KCNK2: variants seen among roughly 807,000 people sequenced by gnomAD.
KCNK2 encodes potassium two pore domain channel subfamily K member 2.
Under a neutral mutation model 40.5 loss-of-function variants are expected in KCNK2, and 21 were observed. That is an observed-to-expected ratio of 0.52 (90% CI 0.37 to 0.75). KCNK2 has a LOEUF of 0.75. Ranked by LOEUF, KCNK2 falls within the 30% of genes least tolerant of loss-of-function variation. The pLI is 0.00. For synonymous variants in KCNK2, 191 were observed against 202.2 expected (o/e 0.94, Z 0.47); for missense variants, 399 against 531.6 (o/e 0.75, Z 2.45).
At chr1:215,088,256 A>G (rs1165594840) in intron 2 of KCNK2, among the ~76,000 whole-genome samples, 1 of 152,196 alleles carries the variant, frequency 6.6e-6, no homozygotes, top group African/African-American at 2.4e-5. Context: ...GTGTAGCAGT[A>G]AAAGCTTCAA....
intron 2 of KCNK2, among the ~76,000 whole-genome samples, chr1:215,100,394 T>C (rs1660157520): frequency 6.6e-6 from 1 of 151,976 alleles, no homozygotes; most frequent in South Asian, 2.1e-4. Flanking sequence ...TTCCTCAGAA[T>C]AGCCATAGAG....
intron 3 of KCNK2, among the ~76,000 whole-genome samples, chr1:215,157,472 A>G (rs1662984113): frequency 2.0e-5 from 3 of 152,110 alleles, no homozygotes; most frequent in African/African-American, 7.2e-5. Flanking sequence ...AATCTTCTCT[A>G]TTCCTCAAGC....
chr1:215,085,259 G>T (rs10864151), intron 1 of KCNK2, among the ~76,000 whole-genome samples: 60,101 of 152,052 alleles, frequency 0.4, 14,881 homozygotes, highest in East Asian at 0.54. Flanking sequence ...ACTTTAAGCT[G>T]ATTATTCTGT....
chr1:215,129,929 G>A (rs892365191), intron 3 of KCNK2, among the ~76,000 whole-genome samples: 1 of 152,156 alleles, frequency 6.6e-6, no homozygotes, highest in Non-Finnish European at 1.5e-5. Flanking sequence ...TTTGACCCAG[G>A]TTCTTGGCCC....
chr1:215,209,476 T>TATATAATATATATTA (rs1553274203), intron 6 of KCNK2, among the ~76,000 whole-genome samples: 1 of 43,194 alleles, frequency 2.3e-5, no homozygotes, highest in Non-Finnish European at 4.2e-5. Flanking sequence ...ATAATATATA[T>TATATAATATATATTA]TATATATAAT....
intron 1 of KCNK2, among the ~76,000 whole-genome samples, chr1:215,061,274 T>C (rs185220873): frequency 6.6e-6 from 1 of 152,260 alleles, no homozygotes; most frequent in Admixed American, 6.5e-5. Flanking sequence ...CTTGGCTTAA[T>C]TGTCAAAATG....
chr1:215,145,985 T>C (rs1662396996), intron 3 of KCNK2, among the ~76,000 whole-genome samples: 1 of 152,178 alleles, frequency 6.6e-6, no homozygotes, highest in Admixed American at 6.5e-5. Context: ...TTATTACGCC[T>C]TGAACAGTTC....
At chr1:215,201,586 G>C (rs943351542) in intron 6 of KCNK2, among the ~76,000 whole-genome samples, 2 of 152,236 alleles carry the variant, frequency 1.3e-5, no homozygotes, top group Admixed American at 1.3e-4. Context: ...ATTTAATGTT[G>C]AGTTCCTAAA....
intron 3 of KCNK2, among the ~76,000 whole-genome samples, chr1:215,161,372 C>T (rs1663185706): frequency 6.6e-6 from 1 of 151,692 alleles, no homozygotes; most frequent in Non-Finnish European, 1.5e-5. Context: ...CTTATTTCTG[C>T]TACTTGGGAA....
At chr1:215,065,404 GA>G (rs5780813) in intron 1 of KCNK2, among the ~76,000 whole-genome samples, 75,925 of 149,538 alleles carry the variant, frequency 0.51, 19,696 homozygotes, top group Middle Eastern at 0.74. Context: ...CAAATATTCA[GA>G]AAAAAAAAAG....
At chr1:215,079,144 T>C (rs1659054355), upstream of KCNK2, among the ~76,000 whole-genome samples, 1 of 152,224 alleles carries the variant, frequency 6.6e-6, no homozygotes, top group Non-Finnish European at 1.5e-5. Flanking sequence ...TTCATTAAAT[T>C]AAAGTTAAGA....
chr1:215,090,000 A>G (rs1222528091), intron 2 of KCNK2, among the ~76,000 whole-genome samples: 1 of 151,370 alleles, frequency 6.6e-6, no homozygotes, highest in African/African-American at 2.4e-5. Context: ...CTAATTTTGT[A>G]TTTTTAGTAG....
At chr1:215,084,628 G>A (rs564134931) in intron 1 of KCNK2, among the ~76,000 whole-genome samples, 1 of 152,104 alleles carries the variant, frequency 6.6e-6, no homozygotes, top group Non-Finnish European at 1.5e-5. Flanking sequence ...TTAAACACAT[G>A]CCCAGTGCTA....
chr1:215,068,112 A>G (rs1658621194), intron 1 of KCNK2, among the ~76,000 whole-genome samples: 1 of 151,310 alleles, frequency 6.6e-6, no homozygotes, highest in African/African-American at 2.4e-5. Context: ...CTCTTCAGTA[A>G]GGGCTACCTG....
intron 1 of KCNK2, among the ~76,000 whole-genome samples, chr1:215,065,491 T>C (rs1035044930): frequency 7.2e-5 from 11 of 152,202 alleles, no homozygotes; most frequent in African/African-American, 2.7e-4. Flanking sequence ...ATTTAGGACC[T>C]CAAAACCAAG....
intron 1 of KCNK2, among the ~76,000 whole-genome samples, chr1:215,023,335 G>C (rs1453163052): frequency 6.6e-6 from 1 of 152,112 alleles, no homozygotes; most frequent in Non-Finnish European, 1.5e-5. Context: ...CACTCTTCTT[G>C]ACAGAGAACC....
At chr1:215,050,132 T>A (rs757502916) in intron 1 of KCNK2, among the ~76,000 whole-genome samples, 12 of 152,176 alleles carry the variant, frequency 7.9e-5, no homozygotes, top group Admixed American at 3.3e-4. Flanking sequence ...TTCTAACCCA[T>A]GAAATTCTAC....
intron 5 of KCNK2, among the ~76,000 whole-genome samples, chr1:215,181,279 G>C (rs1664206206): frequency 6.6e-6 from 1 of 152,042 alleles, no homozygotes; most frequent in Non-Finnish European, 1.5e-5. Context: ...ATTTCTTTGT[G>C]TTGATTTTCA....
intron 1 of KCNK2, among the ~76,000 whole-genome samples, chr1:215,085,691 A>G (rs1288613168): frequency 1.3e-5 from 2 of 152,230 alleles, no homozygotes; most frequent in Non-Finnish European, 2.9e-5. Context: ...TTGGTAAAAC[A>G]TGTCCAAGAT....
Sources: gnomAD v4.1 joint callset for allele counts (sites outside exome capture counted in the v4.1 genomes callset) on GRCh38, gnomAD v4.1.1 for gene constraint, MANE v1.5 for transcripts, NCBI Gene and HGNC (gene_info 2026-07-23, HGNC 2026-07-21) for gene names.